Variants in EPHX1 observed in about 807,000 individuals in gnomAD.
EPHX1 encodes epoxide hydratase.
EPHX1 carries 40 observed loss-of-function variants against 43.2 expected under a neutral mutation model. The ratio of observed to expected loss-of-function variants is 0.93; its 90% confidence interval spans 0.72 to 1.21. The LOEUF is 1.21. EPHX1 is among the 50% of genes most tolerant of loss of function. The probability of loss-of-function intolerance (pLI) is 0.00; values close to 1 mark genes in which losing one functional copy is unlikely to be tolerated. For missense variants in EPHX1, 550 were observed against 570.4 expected, an observed-to-expected ratio of 0.96 and a Z score of 0.36; for synonymous variants, 221 against 226.7, an observed-to-expected ratio of 0.98 and a Z score of 0.22.
At chr1:225,823,592 C>G (rs1015655581) in intron 1 of EPHX1, among the ~76,000 whole-genome samples, 1 of 152,204 alleles carries the variant, frequency 6.6e-6, no homozygotes, top group Non-Finnish European at 1.5e-5. Flanking sequence ...AGTGACTTAT[C>G]AACTGGCCCA....
rs551816454 is a variant in EPHX1 at position 225,840,044 on chromosome 1, G to A, written c.931+7G>A. On this transcript the variant is annotated splice_region_variant and intron_variant, in intron 6 of 8. Coordinates refer to ENST00000272167, the MANE Select transcript of EPHX1 (RefSeq NM_001136018.4). ...ACCAAGCCTGACACCGTAGGTGAGT[G>A]TGCTCAGGGGTCCTCGCCCACTGCC... is the stretch of plus-strand genomic sequence containing the variant. 2.0e-5 allele frequency: 32 copies of A among 1,613,720 alleles called. 1 individual carries two copies. The South Asian group carries it at 3.5e-4, about 18-fold the overall frequency.
At chr1:225,837,506 A>G (rs1668029834) in intron 3 of EPHX1, among the ~76,000 whole-genome samples, 2 of 152,158 alleles carry the variant, frequency 1.3e-5, no homozygotes, top group Admixed American at 6.5e-5. Flanking sequence ...TTAAAAAAAA[A>G]TCTTCCACTT....
At chr1:225,815,494 C>T (rs1432081043) in intron 1 of EPHX1, among the ~76,000 whole-genome samples, 1 of 150,470 alleles carries the variant, frequency 6.6e-6, no homozygotes, top group Non-Finnish European at 1.5e-5. Flanking sequence ...CTCAAGCGAT[C>T]CACCTGCCTC....
chr1:225,833,043 T>C (rs1165891904), intron 3 of EPHX1, among the ~76,000 whole-genome samples: 1 of 152,216 alleles, frequency 6.6e-6, no homozygotes, highest in Non-Finnish European at 1.5e-5. Context: ...GTGCAGCGGC[T>C]ATTCACAGGC....
intron 1 of EPHX1, among the ~76,000 whole-genome samples, chr1:225,825,708 G>C (rs543960956): frequency 1.6e-4 from 24 of 152,346 alleles, no homozygotes; most frequent in African/African-American, 5.5e-4. Context: ...CCAGTCACCA[G>C]TGCTGGGCAC....
intron 1 of EPHX1, among the ~76,000 whole-genome samples, chr1:225,816,817 G>A (rs899802366): frequency 5.3e-5 from 8 of 152,108 alleles, no homozygotes; most frequent in African/African-American, 1.4e-4. Flanking sequence ...AACTGCCCGC[G>A]GGCTGGCTCG....
At chr1:225,842,314 G>A in intron 6 of EPHX1, 52 bp from the exon 7 acceptor site, 1 of 1,355,216 alleles carries the variant, frequency 7.4e-7, no homozygotes, top group East Asian at 2.3e-5. Context: ...TGAAGCTCCA[G>A]CTCTCTGGTC....
At position 225,840,460 on chromosome 1, in the gene EPHX1, T is replaced by A. The variant is rs189926919; in HGVS notation, c.931+423T>A. ...TGAGGGAGGGCCCAGCAACCATGTC[T>A]GCCACCAGGGTCCTGTTAAAGGACA... On this transcript the variant is annotated intron_variant, in intron 6 of 8. Coordinates refer to ENST00000272167, the MANE Select transcript of EPHX1 (RefSeq NM_001136018.4). Among the ~76,000 whole-genome samples the A allele has an allele frequency of 1.2e-4, 19 of 152,310 alleles. No individual in the cohort carries two copies. In the East Asian group the frequency reaches 3.7e-3, roughly 29 times the overall value.
At chr1:225,825,870 C>T (rs1667207496) in intron 1 of EPHX1, among the ~76,000 whole-genome samples, 1 of 147,214 alleles carries the variant, frequency 6.8e-6, no homozygotes, top group Non-Finnish European at 1.5e-5. Flanking sequence ...CTCCCACACG[C>T]TCCCATGTGT....
chr1:225,815,083 G>A (rs943235841), intron 1 of EPHX1, among the ~76,000 whole-genome samples: 2 of 152,172 alleles, frequency 1.3e-5, no homozygotes, highest in Non-Finnish European at 2.9e-5. Context: ...ACAGCAGTGG[G>A]CCCAGCAAAT....
rs572986466 is a variant in EPHX1 at position 225,837,870 on chromosome 1, G to A, written c.365-784G>A. ...TATCATTTGGTAATCAGAAAAAGGT[G>A]ACATTTTGTCAATGTGTATGAAAAA... On this transcript the variant is annotated intron_variant, in intron 3 of 8. Transcript: ENST00000272167. Among the ~76,000 whole-genome samples the A allele has an allele frequency of 3.3e-5, 5 of 152,246 alleles. No individual in the cohort carries two copies. The South Asian group carries it at 1.0e-3, about 32-fold the overall frequency.
At chr1:225,840,155 A>T (rs992202080) in intron 6 of EPHX1, 118 bp downstream of exon 6, 2 of 891,266 alleles carry the variant, frequency 2.2e-6, no homozygotes, top group African/African-American at 3.3e-5. Flanking sequence ...TCTTGTAAGG[A>T]CCTCCCAGCT....
intron 1 of EPHX1, among the ~76,000 whole-genome samples, chr1:225,811,583 C>T (rs2102670708): frequency 6.6e-6 from 1 of 152,342 alleles, no homozygotes; most frequent in East Asian, 1.9e-4. Flanking sequence ...GCAGCCTCCT[C>T]TGCATCCAGC....
chr1:225,826,783 A>G (rs1453803455), intron 1 of EPHX1, among the ~76,000 whole-genome samples: 1 of 152,034 alleles, frequency 6.6e-6, no homozygotes, highest in Non-Finnish European at 1.5e-5. Flanking sequence ...ATGTGGGGTG[A>G]TAAGGGCTCT....
intron 1 of EPHX1, among the ~76,000 whole-genome samples, chr1:225,816,348 A>G (rs1666725073): frequency 6.6e-6 from 1 of 151,852 alleles, no homozygotes; most frequent in African/African-American, 2.4e-5. Context: ...AAAAGATTAA[A>G]AAAAGAGAAT....
intron 2 of EPHX1, among the ~76,000 whole-genome samples, chr1:225,831,554 A>G (rs75752760): frequency 1.7e-5 from 2 of 121,094 alleles, no homozygotes; most frequent in Non-Finnish European, 1.8e-5. Context: ...CTCAAAAAAA[A>G]AAAAAGAAAA....
chr1:225,820,432 A>G (rs888287311), intron 1 of EPHX1, among the ~76,000 whole-genome samples: 3 of 152,314 alleles, frequency 2.0e-5, no homozygotes, highest in African/African-American at 4.8e-5. Context: ...TGTAATTTAC[A>G]GAAGGGTAAT....
intron 1 of EPHX1, among the ~76,000 whole-genome samples, chr1:225,815,940 TTA>T (rs1666704139): frequency 6.6e-6 from 1 of 152,128 alleles, no homozygotes; most frequent in Non-Finnish European, 1.5e-5. Flanking sequence ...GGTAAGTGTG[TTA>T]TATGATCTGC....
chr1:225,814,463 G>A (rs1203419304), intron 1 of EPHX1, among the ~76,000 whole-genome samples: 1 of 152,248 alleles, frequency 6.6e-6, no homozygotes, highest in Non-Finnish European at 1.5e-5. Context: ...TCACAGCTCA[G>A]GGCTTCTCTA....
Sources: allele counts gnomAD v4.1 joint callset (sites outside exome capture counted in the v4.1 genomes callset), GRCh38; gene constraint gnomAD v4.1.1; transcripts MANE v1.5; gene names NCBI Gene and HGNC (gene_info 2026-07-23, HGNC 2026-07-21).